The following ANK2 variants were observed in gnomAD, a reference collection of about 807,000 sequenced individuals.
ANK2 encodes the protein ankyrin-2.
Under a neutral mutation model 360.5 loss-of-function variants are expected in ANK2, and 83 were observed. The observed-to-expected ratio is 0.23, with a 90% confidence interval of 0.19 to 0.28. The LOEUF (loss-of-function observed/expected upper bound fraction) is 0.28. Ranked by LOEUF, ANK2 falls within the 10% of genes least tolerant of loss-of-function variation. The pLI, the probability that ANK2 is intolerant of heterozygous loss-of-function variation, is 1.00. For missense variants in ANK2, 4,201 were observed against 4,795.7 expected (o/e 0.88, Z 3.66); for synonymous variants, 1,740 against 1,759.5 (o/e 0.99, Z 0.28).
intron 2 of ANK2, among the ~76,000 whole-genome samples, chr4:113,023,258 T>A (rs747335303): frequency 2.0e-5 from 3 of 152,228 alleles, no homozygotes; most frequent in Non-Finnish European, 4.4e-5. Context: ...TTATTTTTTC[T>A]GTACTTAGAC....
chr4:113,325,549 C>T (rs1290414784), intron 26 of ANK2, among the ~76,000 whole-genome samples: 1 of 152,090 alleles, frequency 6.6e-6, no homozygotes, highest in Non-Finnish European at 1.5e-5. Context: ...GCTGCATTCT[C>T]CTGTGCTGTG....
At chr4:112,925,389 A>G (rs578224201) in intron 2 of ANK2, among the ~76,000 whole-genome samples, 146 of 152,338 alleles carry the variant, frequency 9.6e-4, no homozygotes, top group African/African-American at 3.4e-3. Flanking sequence ...TCTGTTTTCT[A>G]TCTGCTACAG....
At chr4:112,963,807 C>T (rs2035952391) in intron 2 of ANK2, among the ~76,000 whole-genome samples, 1 of 151,826 alleles carries the variant, frequency 6.6e-6, no homozygotes, top group Admixed American at 6.6e-5. Flanking sequence ...AAACATCTAA[C>T]ATTATTTTGA....
intron 24 of ANK2, among the ~76,000 whole-genome samples, chr4:113,317,009 A>G (rs1340938933): frequency 1.3e-5 from 2 of 152,206 alleles, no homozygotes; most frequent in Non-Finnish European, 2.9e-5. Flanking sequence ...ACGGCAACCA[A>G]CACTCTGGTG....
chr4:113,005,121 G>A (rs1050727618), intron 2 of ANK2, among the ~76,000 whole-genome samples: 2 of 152,074 alleles, frequency 1.3e-5, no homozygotes, highest in Non-Finnish European at 2.9e-5. Flanking sequence ...AAATCAGGGA[G>A]AAATATTTGC....
chr4:112,807,114 T>C, the ANK2 span, among the ~76,000 whole-genome samples: 1 of 152,214 alleles, frequency 6.6e-6, no homozygotes, highest in Non-Finnish European at 1.5e-5. Flanking sequence ...TACCTCTGCA[T>C]CCTCATGTCC....
chr4:113,315,095 C>A (rs914714564), intron 24 of ANK2, among the ~76,000 whole-genome samples: 3 of 152,142 alleles, frequency 2.0e-5, no homozygotes, highest in Admixed American at 6.5e-5. Flanking sequence ...GTATTTCTTT[C>A]CTGTTGGGGT....
At chr4:113,315,854 G>A (rs553736401) in intron 24 of ANK2, among the ~76,000 whole-genome samples, 4 of 137,624 alleles carry the variant, frequency 2.9e-5, no homozygotes, top group South Asian at 2.3e-4. Context: ...CCACGATCGC[G>A]CCACTGCACT....
intron 1 of ANK2, among the ~76,000 whole-genome samples, chr4:113,105,062 A>G (rs1270430143): frequency 6.6e-6 from 1 of 152,128 alleles, no homozygotes; most frequent in African/African-American, 2.4e-5. Flanking sequence ...GGGGTGCCCT[A>G]GCAGACAGGC....
chr4:113,177,660 A>G (rs2098268995), intron 2 of ANK2, among the ~76,000 whole-genome samples: 2 of 152,230 alleles, frequency 1.3e-5, no homozygotes, highest in African/African-American at 4.8e-5. Flanking sequence ...AATTCTTATC[A>G]TATTTATAGA....
chr4:113,003,646 T>C (rs1264113631), intron 2 of ANK2, among the ~76,000 whole-genome samples: 1 of 152,170 alleles, frequency 6.6e-6, no homozygotes, highest in Non-Finnish European at 1.5e-5. Context: ...CAATAATTGG[T>C]GTAGGGTCAG....
chr4:113,033,113 T>G (rs1310915597), intron 2 of ANK2, among the ~76,000 whole-genome samples: 1 of 152,040 alleles, frequency 6.6e-6, no homozygotes, highest in African/African-American at 2.4e-5. Flanking sequence ...CAAAACTACA[T>G]ATTACCTGGC....
At chr4:113,141,906 A>G (rs989467558) in intron 1 of ANK2, among the ~76,000 whole-genome samples, 4 of 152,198 alleles carry the variant, frequency 2.6e-5, no homozygotes, top group African/African-American at 7.2e-5. Flanking sequence ...ATACAAATGA[A>G]ATAATAACAG....
intron 9 of ANK2, among the ~76,000 whole-genome samples, chr4:113,246,973 C>T (rs867832935): frequency 5.9e-5 from 9 of 152,128 alleles, no homozygotes; most frequent in Middle Eastern, 6.8e-3. Context: ...ATCAGCAGAG[C>T]CTACCCATGT....
upstream of ANK2, among the ~76,000 whole-genome samples, chr4:112,814,425 G>GT (rs2055497694): frequency 1.3e-5 from 1 of 74,320 alleles, no homozygotes; most frequent in Admixed American, 1.6e-4. Flanking sequence ...ACTGGAGAGC[G>GT]TTTTTTTGTT....
chr4:112,915,790 C>G (rs1368855231), intron 2 of ANK2, among the ~76,000 whole-genome samples: 2 of 151,064 alleles, frequency 1.3e-5, no homozygotes, highest in Non-Finnish European at 2.9e-5. Flanking sequence ...ATAATAAATA[C>G]ATTTTTTTCA....
At chr4:113,258,889 T>C (rs1245761605) in intron 13 of ANK2, among the ~76,000 whole-genome samples, 1 of 152,190 alleles carries the variant, frequency 6.6e-6, no homozygotes, top group Non-Finnish European at 1.5e-5. Context: ...TTACTTCGTG[T>C]CAAACTCTTC....
At chr4:112,720,919 A>C in the ANK2 span, among the ~76,000 whole-genome samples, 1 of 152,206 alleles carries the variant, frequency 6.6e-6, no homozygotes, top group Non-Finnish European at 1.5e-5. Flanking sequence ...ATGATTTAGA[A>C]GTTTTGCCTA....
intron 2 of ANK2, among the ~76,000 whole-genome samples, chr4:113,195,946 C>T (rs995150758): frequency 1.4e-4 from 22 of 152,130 alleles, no homozygotes; most frequent in South Asian, 2.1e-4. Flanking sequence ...AGTACATCTT[C>T]GTAAGTGTGA....
Sources: allele counts gnomAD v4.1 joint callset (sites outside exome capture counted in the v4.1 genomes callset), GRCh38; gene constraint gnomAD v4.1.1; transcripts MANE v1.5; gene names NCBI Gene and HGNC (gene_info 2026-07-23, HGNC 2026-07-21).